The following FURIN variants were observed in gnomAD, a reference collection of about 807,000 sequenced individuals.
FURIN encodes the protein FES upstream region.
A neutral mutation model predicts 89.2 loss-of-function variants in FURIN; 18 were observed. The ratio of observed to expected loss-of-function variants is 0.20; its 90% CI spans 0.14 to 0.30. The LOEUF (loss-of-function observed/expected upper bound fraction) is 0.30. FURIN is among the 10% of genes least tolerant of loss of function. The pLI is 1.00. For synonymous variants in FURIN, 508 were observed against 466.4 expected, an observed-to-expected ratio of 1.09 and a Z score of -1.15; for missense variants, 879 against 1,100.5, an observed-to-expected ratio of 0.80 and a Z score of 2.85.
At chr15:90,874,995 G>A (rs2031525227) in intron 1 of FURIN, among the ~76,000 whole-genome samples, 1 of 150,532 alleles carries the variant, frequency 6.6e-6, no homozygotes, top group Admixed American at 6.6e-5. Flanking sequence ...GTGACTCAGG[G>A]CTTGATAGTC....
At position 90,879,657 on chromosome 15, in the gene FURIN, T is replaced by C; in HGVS notation, c.1155-14T>C. 1 of 1,609,174 alleles carries C rather than the reference T, an allele frequency of 6.2e-7. No homozygotes were observed. Among genetic ancestry groups the C allele is most frequent in the Non-Finnish European group, 8.5e-7 (1 of 1,176,240 alleles). ...AAAAGACTGATCCCCAGCCTCTCCCTTCCTTCTTTGCAGTAAGAACCTCAC... is the reference window on the plus strand; with the variant it reads ...AAAAGACTGATCCCCAGCCTCTCCCCTCCTTCTTTGCAGTAAGAACCTCAC... On this transcript the variant is annotated splice_polypyrimidine_tract_variant and intron_variant, in intron 10 of 15. Coordinates refer to ENST00000268171, the MANE Select transcript of FURIN (RefSeq NM_002569.4).
intron 12 of FURIN, 42 bp downstream of exon 12, chr15:90,880,026 G>C (rs758077858): frequency 6.2e-6 from 10 of 1,605,650 alleles, no homozygotes; most frequent in South Asian, 1.1e-5. Context: ...AGTGGGACCT[G>C]AGAGTCGCAG....
At position 90,880,949 on chromosome 15, in the gene FURIN, C is replaced by T; in HGVS notation, c.1701C>T (p.Thr567=). 6.2e-7 allele frequency: 1 copy of T among 1,613,984 alleles called. No individual in the cohort carries two copies. Among genetic ancestry groups the T allele is most frequent in the Non-Finnish European group, 8.5e-7 (1 of 1,179,898 alleles). The part of the protein sequence containing the change: ...ANNYGTLTKF[T]LVLYGTAPEG... ...GAACAGGGACGCTGACCAAGTTCAC[C>T]CTCGTACTCTATGGCACCGCCCCTG... Residue 567 remains threonine (T), a synonymous_variant, in exon 15 of 16, where the codon ACC becomes ACT. Transcript: ENST00000268171.
rs1567085964 is a variant in FURIN at position 90,882,087 on chromosome 15, C to T, written c.*209C>T. ...CGTGGGGAGGGCCGTACCCCACCCTCAGCACCCCTTCCATGTGGAGAAAGG... is the reference window on the plus strand; with the variant it reads ...CGTGGGGAGGGCCGTACCCCACCCTTAGCACCCCTTCCATGTGGAGAAAGG... On this transcript the variant is annotated 3_prime_UTR_variant, in exon 16 of 16. Coordinates refer to ENST00000268171, the MANE Select transcript of FURIN (RefSeq NM_002569.4). The T allele has an allele frequency of 3.6e-6, 2 of 563,204 alleles. No individual in the cohort carries two copies. The highest frequency in any genetic ancestry group is 3.2e-5 in the East Asian group (1 of 31,732). The allele number at this position is 563,204 out of a possible 1,614,324, so 34.9% of individuals were successfully genotyped here. A position where few individuals can be genotyped will look rare whatever the true frequency, so the allele number is the denominator to read the frequency against.
In FURIN at chr15:90,879,966, A is replaced by T. The variant is rs760015989; in HGVS notation, c.1358A>T (p.Asp453Val). Residue 453 changes from aspartate to valine, a missense_variant, in exon 12 of 16, where the codon GAC (aspartate) becomes GTC (valine). This residue lies in a region of FURIN where 457 missense variants were observed against 490.7 expected (regional missense o/e 0.93). Transcript: ENST00000268171. ...TVAPQRKCII[D>V]ILTEPKDIGK... ...GCCCCCCAGCGGAAGTGCATCATCGACATCCTCACCGAGCCCAAGTGAGGG... is the reference window on the plus strand; with the variant it reads ...GCCCCCCAGCGGAAGTGCATCATCGTCATCCTCACCGAGCCCAAGTGAGGG... The T allele has an allele frequency of 1.9e-6, 3 of 1,612,918 alleles. No homozygotes were observed. The South Asian group carries it at 3.3e-5, about 18-fold the overall frequency.
chr15:90,879,848 A>G lies in FURIN; in HGVS notation c.1259-19A>G. Reference sequence around the variant, plus strand: ...CACTCTGTGCCTGACAGCTGACCCTACCTTCCCTGTCCCCACAGTGAGCCA... The same window carrying G: ...CACTCTGTGCCTGACAGCTGACCCTGCCTTCCCTGTCCCCACAGTGAGCCA... On this transcript the variant is annotated intron_variant, in intron 11 of 15. Transcript: ENST00000268171. The G allele has an allele frequency of 1.2e-6, 2 of 1,610,406 alleles. No individual in the cohort carries two copies. Among genetic ancestry groups the G allele is most frequent in the Non-Finnish European group, 1.7e-6 (2 of 1,177,062 alleles).
rs777785736 is a variant in FURIN at position 90,879,905 on chromosome 15, G to A, written c.1297G>A (p.Ala433Thr). ...SYGYGLLDAG[A>T]MVALAQNWTT... The stretch of plus-strand genomic sequence containing the variant: ...TGGCTACGGGCTTTTGGACGCAGGC[G>A]CCATGGTGGCCCTGGCCCAGAATTG... The change falls in exon 12 of 16, where the codon GCC (alanine) becomes ACC (threonine). Residue 433 changes from alanine to threonine, a missense_variant. Transcript: ENST00000268171. 3.7e-6 allele frequency: 6 copies of A among 1,613,460 alleles called. 1 individual carries two copies. The highest frequency in any genetic ancestry group is 3.3e-5 in the South Asian group (3 of 91,090).
At chr15:90,873,642 G>T (rs113579461) in intron 1 of FURIN, among the ~76,000 whole-genome samples, 11,103 of 152,080 alleles carry the variant, frequency 0.073, 548 homozygotes, top group Non-Finnish European at 0.11. Context: ...GGGTGGGGGG[G>T]GCGGTCCTTC....
At position 90,881,550 on chromosome 15, in the gene FURIN, C is replaced by T. The variant is rs765895746; in HGVS notation, c.2057C>T (p.Pro686Leu). The T allele has an allele frequency of 1.5e-5, 24 of 1,612,254 alleles. No individual in the cohort carries two copies. The highest frequency in any genetic ancestry group is 4.5e-5 in the East Asian group (2 of 44,870). ...CAAAGCCAGAGCAGCCGAGAGTCCC[C>T]GCCACAGCAGCAGCCACCTCGGCTG... Reference protein sequence around the residue: ...SRQSQSSRESPPQQQPPRLPP... With the variant: ...SRQSQSSRESLPQQQPPRLPP... Residue 686 changes from proline to leucine, a missense_variant, in exon 16 of 16, where the codon CCG becomes CTG. By Grantham distance (98) the Pro-to-Leu change is moderately conservative (BLOSUM62 -3). This residue lies in a region of FURIN where 457 missense variants were observed against 490.7 expected (regional missense o/e 0.93). Coordinates refer to ENST00000268171, the MANE Select transcript of FURIN (RefSeq NM_002569.4). The surrounding 1 kb of genome is among the most constrained non-coding windows in gnomAD (Gnocchi z 4.3).
In FURIN at chr15:90,880,927, C is replaced by T; in HGVS notation, c.1682-3C>T. 1 of 1,613,436 alleles carries T rather than the reference C, an allele frequency of 6.2e-7. No individual in the cohort carries two copies. The highest frequency in any genetic ancestry group is 8.5e-7 in the Non-Finnish European group (1 of 1,179,338). On this transcript the variant is annotated splice_polypyrimidine_tract_variant and splice_region_variant and intron_variant, in intron 14 of 15. Coordinates refer to ENST00000268171, the MANE Select transcript of FURIN (RefSeq NM_002569.4). The stretch of plus-strand genomic sequence containing the variant: ...CTCTTGCCTCCTCCCCGCTCTGGAA[C>T]AGGGACGCTGACCAAGTTCACCCTC...
chr15:90,877,929 G>T (rs2031726871), intron 7 of FURIN, among the ~76,000 whole-genome samples: 1 of 152,244 alleles, frequency 6.6e-6, no homozygotes, highest in Admixed American at 6.5e-5. Flanking sequence ...GGGGCAGGAG[G>T]TGTTCTCTTT....
At chr15:90,870,723 C>A (rs904935821) in intron 1 of FURIN, among the ~76,000 whole-genome samples, 1 of 152,206 alleles carries the variant, frequency 6.6e-6, no homozygotes, top group African/African-American at 2.4e-5. Context: ...TGGTATATTG[C>A]AAGTAGCTTG....
Position 90,876,693 on chromosome 15 carries a change from T to G in FURIN, c.372+136T>G. 2 of 807,958 alleles carry G rather than the reference T, an allele frequency of 2.5e-6. No homozygotes were observed. Among genetic ancestry groups the G allele is most frequent in the Non-Finnish European group, 4.1e-6 (2 of 485,016 alleles). The allele number at this position is 807,958 out of a possible 1,614,324, so 50.0% of individuals were successfully genotyped here. A position where few individuals can be genotyped will look rare whatever the true frequency, so the allele number is the denominator to read the frequency against. Reference sequence around the variant, plus strand: ...TTCCTCCTGCTGGGCAGTCTCTCCTTGGCCCATCCTAATAAGCAAGCCTGG... The same window carrying G: ...TTCCTCCTGCTGGGCAGTCTCTCCTGGGCCCATCCTAATAAGCAAGCCTGG... On this transcript the variant is annotated intron_variant, in intron 4 of 15. Coordinates refer to ENST00000268171, the MANE Select transcript of FURIN (RefSeq NM_002569.4). The surrounding 1 kb of genome is among the most constrained non-coding windows in gnomAD (Gnocchi z 5.0).
At position 90,878,114 on chromosome 15, in the gene FURIN, C is replaced by CA. The variant is rs2031737005; in HGVS notation, c.668-18_668-17insA. ...GACCCATGCAGCATCCCTCTTCGTG[C>CA]CCCCCCTTCACGGCCAGGGGTGCGC... On this transcript the variant is annotated splice_polypyrimidine_tract_variant and intron_variant, in intron 7 of 15. Coordinates refer to ENST00000268171, the MANE Select transcript of FURIN (RefSeq NM_002569.4). 6.2e-7 allele frequency: 1 copy of CA among 1,610,626 alleles called. No individual in the cohort carries two copies. The highest frequency in any genetic ancestry group is 1.3e-5 in the African/African-American group (1 of 74,740).
chr15:90,877,446 C>T (rs1182933281), intron 6 of FURIN, 81 bp from the exon 7 acceptor site: 5 of 1,122,386 alleles, frequency 4.5e-6, no homozygotes, highest in Non-Finnish European at 6.4e-6. Flanking sequence ...ATGTGCGGAT[C>T]CCTCGTGCTC....
In FURIN at chr15:90,882,097, T is replaced by C. The variant is rs1040192392; in HGVS notation, c.*219T>C. 1 of 546,072 alleles carries C rather than the reference T, an allele frequency of 1.8e-6. No homozygotes were observed. Among genetic ancestry groups the C allele is most frequent in the Non-Finnish European group, 3.3e-6 (1 of 307,544 alleles). 33.8% of individuals were successfully genotyped at this position (546,072 alleles called of 1,614,324 possible). ...GCCGTACCCCACCCTCAGCACCCCT[T>C]CCATGTGGAGAAAGGAGTGAAACCT... On this transcript the variant is annotated 3_prime_UTR_variant, in exon 16 of 16. Transcript: ENST00000268171.
At chr15:90,872,286 T>A (rs536940014) in intron 1 of FURIN, among the ~76,000 whole-genome samples, 1 of 152,254 alleles carries the variant, frequency 6.6e-6, no homozygotes, top group East Asian at 2.0e-4. Flanking sequence ...CCCCGCTGTG[T>A]GGCTGGACCA....
At chr15:90,873,640 G>A (rs1161803374) in intron 1 of FURIN, among the ~76,000 whole-genome samples, 1 of 152,042 alleles carries the variant, frequency 6.6e-6, no homozygotes, top group African/African-American at 2.4e-5. Flanking sequence ...TGGGGTGGGG[G>A]GGGCGGTCCT....
At position 90,881,102 on chromosome 15, in the gene FURIN, C is replaced by T; in HGVS notation, c.1792+62C>T. On this transcript the variant is annotated intron_variant, in intron 15 of 15. Coordinates refer to ENST00000268171, the MANE Select transcript of FURIN (RefSeq NM_002569.4). This position sits in a 1 kb window ranked among gnomAD's most constrained non-coding sequence, Gnocchi z 4.3. ...GTCTGGGGGTAAGGCGGGTGCCTGT[C>T]CTGAAGCCCAGCTCTAACAGAAAAA... 1 of 1,310,574 alleles carries T rather than the reference C, an allele frequency of 7.6e-7. No individual in the cohort carries two copies. The highest frequency in any genetic ancestry group is 1.1e-6 in the Non-Finnish European group (1 of 905,224). 81.2% of individuals were successfully genotyped at this position (1,310,574 alleles called of 1,614,324 possible).
Sources: allele counts gnomAD v4.1 joint callset (sites outside exome capture counted in the v4.1 genomes callset), GRCh38; gene constraint gnomAD v4.1.1; regional missense constraint gnomAD v4.1.1; non-coding constraint Gnocchi (gnomAD v3.1); transcripts MANE v1.5; gene names NCBI Gene and HGNC (gene_info 2026-07-23, HGNC 2026-07-21).